Variants in ATXN1 observed in about 807,000 individuals in gnomAD.
ATXN1 encodes ataxin 1, also known as ataxin-1.
In ATXN1, 8 loss-of-function variants were observed where a neutral mutation model predicts 56.4. The ratio of observed to expected loss-of-function variants is 0.14; its 90% confidence interval spans 0.08 to 0.26. The LOEUF is 0.26. Among genes scored for constraint, ATXN1 ranks in the 10% least tolerant of loss-of-function variants. The probability of loss-of-function intolerance (pLI) is 1.00; values close to 1 mark genes in which losing one functional copy is unlikely to be tolerated. For missense variants in ATXN1, 987 were observed against 1,106.5 expected (o/e 0.89, Z 1.53); for synonymous variants, 514 against 494.6 (o/e 1.04, Z -0.52).
At chr6:16,579,164 C>T (rs910825112) in intron 4 of ATXN1, among the ~76,000 whole-genome samples, 2 of 152,122 alleles carry the variant, frequency 1.3e-5, no homozygotes, top group African/African-American at 2.4e-5. Context: ...AGAGGGTTGC[C>T]TTTGTGCATG....
chr6:16,618,428 CAAACA>C (rs1431020949), intron 3 of ATXN1, among the ~76,000 whole-genome samples: 3 of 152,212 alleles, frequency 2.0e-5, no homozygotes, highest in Admixed American at 2.0e-4. Flanking sequence ...TAAAGTAAAA[CAAACA>C]AAACAAAAGA....
chr6:16,438,206 C>A (rs1488502353), intron 6 of ATXN1, among the ~76,000 whole-genome samples: 1 of 152,190 alleles, frequency 6.6e-6, no homozygotes, highest in African/African-American at 2.4e-5. Flanking sequence ...TGCCTCTCAC[C>A]TACTGGTGTG....
In ATXN1 at chr6:16,301,060, AC is replaced by A. The variant is rs1760079408; in HGVS notation, c.*5268del. 6.6e-6 allele frequency: 1 copy of A among 151,182 alleles called. No homozygotes were observed. The highest frequency in any genetic ancestry group is 2.5e-5 in the African/African-American group (1 of 40,798). The allele number at this position is 151,182 out of a possible 1,614,324, so 9.4% of individuals were successfully genotyped here. A position where few individuals can be genotyped will look rare whatever the true frequency, so the allele number is the denominator to read the frequency against. On this transcript the variant is annotated 3_prime_UTR_variant, in exon 8 of 8. Coordinates refer to ENST00000436367, the MANE Select transcript of ATXN1 (RefSeq NM_001128164.2). ...ATGACAAATTTCTATATACAAAAAA[AC>A]ATGTAACTTTCAACCCTTCTCTGCT...
At chr6:16,711,643 A>G (rs707846) in intron 2 of ATXN1, among the ~76,000 whole-genome samples, 85,088 of 150,914 alleles carry the variant, frequency 0.56, 24,291 homozygotes, top group South Asian at 0.68. Flanking sequence ...TTTGCGACAC[A>G]TCATTCTGTT....
intron 6 of ATXN1, among the ~76,000 whole-genome samples, chr6:16,451,686 C>T (rs1759756088): frequency 6.6e-6 from 1 of 151,434 alleles, no homozygotes; most frequent in African/African-American, 2.4e-5. Flanking sequence ...ACCCAGGAGG[C>T]GGAGGTTGCA....
At chr6:16,404,464 C>A (rs995756246) in intron 6 of ATXN1, among the ~76,000 whole-genome samples, 1 of 152,204 alleles carries the variant, frequency 6.6e-6, no homozygotes, top group Non-Finnish European at 1.5e-5. Context: ...TGGTTCACAT[C>A]TGTCAGGTCC....
rs56277549 is a variant in ATXN1, at chr6:16,454,125, C to CAAAAAAAAAA, written c.-161+31837_-161+31846dup. Reference sequence around the variant, plus strand: ...GGGCAATAAGAGCGAGACTCTGTCTCAAAAAAAAAAAAAAAAAAAAAAAAA... The same window carrying CAAAAAAAAAA: ...GGGCAATAAGAGCGAGACTCTGTCTCAAAAAAAAAAAAAAAAAAAAAAAAAAAAAAAAAAA... On this transcript the variant is annotated intron_variant, in intron 6 of 7. Coordinates refer to ENST00000436367, the MANE Select transcript of ATXN1 (RefSeq NM_001128164.2). Among the ~76,000 whole-genome samples the CAAAAAAAAAA allele has an allele frequency of 4.8e-4, 37 of 76,658 alleles. 2 individuals carry two copies. Among genetic ancestry groups the CAAAAAAAAAA allele is most frequent in the East Asian group, 1.5e-3 (3 of 1,978 alleles). 50.3% of individuals were successfully genotyped at this position (76,658 alleles called of 152,430 possible).
At chr6:16,682,769 C>T (rs1758840626) in intron 2 of ATXN1, among the ~76,000 whole-genome samples, 1 of 152,130 alleles carries the variant, frequency 6.6e-6, no homozygotes, top group African/African-American at 2.4e-5. Flanking sequence ...TCCAGGTCTC[C>T]ACATTTACTG....
At chr6:16,333,729 G>A (rs544677075) in intron 6 of ATXN1, among the ~76,000 whole-genome samples, 36 of 152,282 alleles carry the variant, frequency 2.4e-4, no homozygotes, top group African/African-American at 8.7e-4. Context: ...GAAGAGGGCA[G>A]AATACCTGGG....
At chr6:16,433,947 C>A (rs929252937) in intron 6 of ATXN1, among the ~76,000 whole-genome samples, 1 of 152,248 alleles carries the variant, frequency 6.6e-6, no homozygotes, top group Non-Finnish European at 1.5e-5. Context: ...AAACTTACAA[C>A]AAGCACTCAG....
chr6:16,318,455 TAA>T (rs1760565913), intron 7 of ATXN1, among the ~76,000 whole-genome samples: 1 of 152,174 alleles, frequency 6.6e-6, no homozygotes, highest in South Asian at 2.1e-4. Context: ...CCTGGAAGGC[TAA>T]GTCTGCATGG....
chr6:16,558,102 T>C (rs991426755), intron 4 of ATXN1, among the ~76,000 whole-genome samples: 2 of 152,016 alleles, frequency 1.3e-5, no homozygotes, highest in Admixed American at 6.6e-5. Flanking sequence ...TTGATGATGA[T>C]TGTATAATTC....
intron 6 of ATXN1, among the ~76,000 whole-genome samples, chr6:16,423,484 A>T (rs1581752084): frequency 6.6e-6 from 1 of 152,174 alleles, no homozygotes; most frequent in East Asian, 1.9e-4. Context: ...ATGTGATATT[A>T]GGGCAGCAAT....
At position 16,702,543 on chromosome 6, in the gene ATXN1, C is replaced by T. The variant is rs560929019; in HGVS notation, c.-614-44642G>A. ...CCAAAGAAACTACCATCGGAGTGAA[C>T]AGGCAACCTACAGAATGGGAGAAAA... On this transcript the variant is annotated intron_variant, in intron 2 of 7. Coordinates refer to ENST00000436367, the MANE Select transcript of ATXN1 (RefSeq NM_001128164.2). Among the ~76,000 whole-genome samples, 4 of 152,310 alleles carry T rather than the reference C, an allele frequency of 2.6e-5. No homozygotes were observed. The South Asian group carries it at 8.3e-4, about 32-fold the overall frequency.
chr6:16,512,039 G>A (rs544693480), intron 5 of ATXN1, among the ~76,000 whole-genome samples: 1 of 152,242 alleles, frequency 6.6e-6, no homozygotes, highest in East Asian at 1.9e-4. Context: ...ATACTCATGG[G>A]TTCAATTACC....
At chr6:16,489,119 C>T (rs1420179387) in intron 5 of ATXN1, among the ~76,000 whole-genome samples, 1 of 152,274 alleles carries the variant, frequency 6.6e-6, no homozygotes, top group Non-Finnish European at 1.5e-5. Flanking sequence ...TTTTATACTC[C>T]ACTGGATTTA....
At chr6:16,708,949 C>G (rs1335283243) in intron 2 of ATXN1, among the ~76,000 whole-genome samples, 2 of 151,450 alleles carry the variant, frequency 1.3e-5, no homozygotes, top group Non-Finnish European at 2.9e-5. Flanking sequence ...TCACTTGAAC[C>G]CAGGGAACAG....
intron 4 of ATXN1, among the ~76,000 whole-genome samples, chr6:16,563,154 A>T (rs1168706412): frequency 1.3e-5 from 2 of 152,312 alleles, no homozygotes; most frequent in African/African-American, 2.4e-5. Flanking sequence ...TCAAGATTTT[A>T]AAAAAGCAAG....
rs548394018 is a variant in ATXN1, at chr6:16,517,100, C to T, written c.-299+5527G>A. Among the ~76,000 whole-genome samples, 8 of 152,364 alleles carry T rather than the reference C, an allele frequency of 5.3e-5. No individual in the cohort carries two copies. The South Asian group carries it at 1.0e-3, about 20-fold the overall frequency. ...CATCAGGAATTAAGTGCAATGGCTA[C>T]AAGAAGGCATTAGCTATTCATCTGT... On this transcript the variant is annotated intron_variant, in intron 5 of 7. Coordinates refer to ENST00000436367, the MANE Select transcript of ATXN1 (RefSeq NM_001128164.2).
Sources: allele counts gnomAD v4.1 joint callset (sites outside exome capture counted in the v4.1 genomes callset), GRCh38; gene constraint gnomAD v4.1.1; transcripts MANE v1.5; gene names NCBI Gene and HGNC (gene_info 2026-07-23, HGNC 2026-07-21).